GSG1L: variants seen among roughly 807,000 people sequenced by gnomAD.
The protein encoded by GSG1L is germ cell-specific gene 1-like protein.
A neutral mutation model predicts 42.1 loss-of-function variants in GSG1L; 24 were observed. The ratio of observed to expected loss-of-function variants is 0.57; its 90% CI spans 0.41 to 0.80. The LOEUF (loss-of-function observed/expected upper bound fraction) is 0.80. Ranked by LOEUF, GSG1L falls within the 30% of genes least tolerant of loss-of-function variation. The probability of loss-of-function intolerance (pLI) is 0.00; values close to 1 mark genes in which losing one functional copy is unlikely to be tolerated. For synonymous variants in GSG1L, 215 were observed against 203.5 expected, an observed-to-expected ratio of 1.06 and a Z score of -0.48; for missense variants, 445 against 472.2, an observed-to-expected ratio of 0.94 and a Z score of 0.53.
At chr16:28,036,189 G>A (rs886171494) in intron 1 of GSG1L, among the ~76,000 whole-genome samples, 1 of 152,064 alleles carries the variant, frequency 6.6e-6, no homozygotes, top group Non-Finnish European at 1.5e-5. Flanking sequence ...GAGTAGACTC[G>A]CCTGGCTCCC....
chr16:27,815,552 G>A (rs1187517611), intron 5 of GSG1L, among the ~76,000 whole-genome samples: 1 of 152,142 alleles, frequency 6.6e-6, no homozygotes, highest in African/African-American at 2.4e-5. Context: ...GTCCTTGAAG[G>A]GCTGATGGGG....
intron 2 of GSG1L, among the ~76,000 whole-genome samples, chr16:27,933,342 G>T (rs1295382971): frequency 6.6e-6 from 1 of 151,940 alleles, no homozygotes; most frequent in Non-Finnish European, 1.5e-5. Context: ...GTACAGAGTT[G>T]GTGTTCAATA....
chr16:27,947,560 A>G (rs868818318), intron 2 of GSG1L, among the ~76,000 whole-genome samples: 1 of 85,778 alleles, frequency 1.2e-5, no homozygotes, highest in Non-Finnish European at 2.9e-5. Context: ...AAAGAAAGAA[A>G]GAAAGAAAGA....
intron 1 of GSG1L, among the ~76,000 whole-genome samples, chr16:27,964,240 G>A (rs2085104052): frequency 6.6e-6 from 1 of 151,274 alleles, no homozygotes; most frequent in African/African-American, 2.4e-5. Context: ...TGAGGCAGGA[G>A]AATTGCTTGA....
Position 27,884,497 on chromosome 16 carries a change from G to A in GSG1L, c.539C>T (p.Thr180Met), listed in dbSNP as rs748167896. 8 of 1,613,526 alleles carry A rather than the reference G, an allele frequency of 5.0e-6. No individual in the cohort carries two copies. The highest frequency in any genetic ancestry group is 1.7e-5 in the Admixed American group (1 of 59,972). ...LKLNAFAAVF[T>M]VLSGLLGMVA... ...CAGCCATGCCTTACCTGAGAGCACC[G>A]TGAAGACAGCCGCGAAGGCATTGAG... The change falls in exon 3 of 7, where the codon ACG (threonine) becomes ATG (methionine). Residue 180 changes from threonine to methionine, a missense_variant. Coordinates refer to ENST00000447459, the MANE Select transcript of GSG1L (RefSeq NM_001109763.2). The surrounding 1 kb of genome is among the most constrained non-coding windows in gnomAD (Gnocchi z 4.4).
intron 3 of GSG1L, among the ~76,000 whole-genome samples, chr16:27,875,795 C>T (rs943327085): frequency 2.6e-5 from 4 of 152,138 alleles, no homozygotes; most frequent in Non-Finnish European, 5.9e-5. Flanking sequence ...TCCAAGCAGA[C>T]ACTATTGGAA....
intron 1 of GSG1L, among the ~76,000 whole-genome samples, chr16:28,039,177 T>C (rs552086208): frequency 2.1e-4 from 32 of 152,288 alleles, no homozygotes; most frequent in African/African-American, 7.5e-4. Context: ...CATCTGAGAT[T>C]TGTAGAAAAA....
At chr16:27,865,146 C>T (rs1390200067) in intron 3 of GSG1L, among the ~76,000 whole-genome samples, 1 of 152,176 alleles carries the variant, frequency 6.6e-6, no homozygotes, top group Non-Finnish European at 1.5e-5. Flanking sequence ...ACTCTGGGCT[C>T]CTGACCATAC....
rs985917808 is a variant in GSG1L at position 27,829,521 on chromosome 16, T to C, written c.663-565A>G. On this transcript the variant is annotated intron_variant, in intron 4 of 6. Transcript: ENST00000447459. The stretch of plus-strand genomic sequence containing the variant: ...TGTTCATGTATGACCCTGGGAAAGA[T>C]GCCAACCCTTTCTGTTTCACATTCC... Among the ~76,000 whole-genome samples the C allele has an allele frequency of 2.6e-5, 4 of 152,330 alleles. No individual in the cohort carries two copies. In the East Asian group the frequency reaches 7.7e-4, roughly 29 times the overall value.
At chr16:27,888,438 TTCTTTCTTTCTTTCTTTCTTTCTTTC>T (rs748267274) in intron 2 of GSG1L, among the ~76,000 whole-genome samples, 2,425 of 27,232 alleles carry the variant, frequency 0.089, 155 homozygotes, top group South Asian at 0.17. Flanking sequence ...CTTTCTTTCT[TTCTTTCTTTCTTTCTTTCTTTCTTTC>T]TCTCTCTCTC....
chr16:27,885,956 T>C (rs962270835), intron 2 of GSG1L, among the ~76,000 whole-genome samples: 2 of 152,220 alleles, frequency 1.3e-5, no homozygotes, highest in African/African-American at 4.8e-5. Context: ...CTACCCATAT[T>C]ATAATGATTC....
chr16:27,979,730 A>AAAGAAG (rs1567542974), intron 1 of GSG1L, among the ~76,000 whole-genome samples: 1 of 62,256 alleles, frequency 1.6e-5, no homozygotes, highest in African/African-American at 5.8e-5. Flanking sequence ...AAGGAAGGAA[A>AAAGAAG]GAAAAAGAAA....
In GSG1L at chr16:28,058,627, AAAAAAAAAACAAAC is replaced by A. The variant is rs1164236285; in HGVS notation, c.349+4435_349+4448del. On this transcript the variant is annotated intron_variant, in intron 1 of 6. Transcript: ENST00000447459. ...TGAGCCACAGAACAAGACCAAAAAA[AAAAAAAAAACAAAC>A]AAACCATGTCGAGGAGTTAGAGCAA... Among the ~76,000 whole-genome samples, 9 of 142,210 alleles carry A rather than the reference AAAAAAAAAACAAAC, an allele frequency of 6.3e-5. No homozygotes were observed. The Admixed American group carries it at 6.4e-4, about 10-fold the overall frequency. The allele number at this position is 142,210 out of a possible 152,430, so 93.3% of individuals were successfully genotyped here.
In GSG1L at chr16:27,889,546, C is replaced by T. The variant is rs558146752; in HGVS notation, c.398-4908G>A. Among the ~76,000 whole-genome samples the T allele has an allele frequency of 4.7e-4, 71 of 152,264 alleles. 1 individual carries two copies. The highest frequency in any genetic ancestry group is 1.3e-3 in the African/African-American group (53 of 41,552). On this transcript the variant is annotated intron_variant, in intron 2 of 6. Coordinates refer to ENST00000447459, the MANE Select transcript of GSG1L (RefSeq NM_001109763.2). ...CTGTCTTTGGAGGATTGTCTTTGGG[C>T]AACCAGAGCCCATTTTTTCTATCTT... is the stretch of plus-strand genomic sequence containing the variant.
At chr16:27,872,493 ACTCCAT>A (rs1267751876) in intron 3 of GSG1L, among the ~76,000 whole-genome samples, 7 of 152,004 alleles carry the variant, frequency 4.6e-5, no homozygotes, top group African/African-American at 1.7e-4. Context: ...AACCAGAGTG[ACTCCAT>A]CTTGACGAGG....
intron 5 of GSG1L, among the ~76,000 whole-genome samples, chr16:27,813,539 T>C (rs1248567715): frequency 6.6e-6 from 1 of 152,260 alleles, no homozygotes; most frequent in Non-Finnish European, 1.5e-5. Flanking sequence ...CCTGCTCATA[T>C]CTAAGAGAGG....
Position 27,915,289 on chromosome 16 carries a change from T to G in GSG1L, c.398-30651A>C, listed in dbSNP as rs1373499736. The stretch of plus-strand genomic sequence containing the variant: ...GGAAAATAGGGAGGGAGGGGCAGGG[T>G]GGGGGCAGAAGAGCCAAGGGAGTCT... On this transcript the variant is annotated intron_variant, in intron 2 of 6. Coordinates refer to ENST00000447459, the MANE Select transcript of GSG1L (RefSeq NM_001109763.2). Among the ~76,000 whole-genome samples, 10 of 134,562 alleles carry G rather than the reference T, an allele frequency of 7.4e-5. No homozygotes were observed. The South Asian group carries it at 8.2e-4, about 11-fold the overall frequency. 88.3% of individuals were successfully genotyped at this position (134,562 alleles called of 152,430 possible).
intron 1 of GSG1L, among the ~76,000 whole-genome samples, chr16:28,039,081 G>A (rs979397961): frequency 1.3e-5 from 2 of 152,228 alleles, no homozygotes; most frequent in Non-Finnish European, 2.9e-5. Context: ...TTAGAAAAGA[G>A]AGAATAAGTG....
At chr16:28,008,682 C>T (rs941857846) in intron 1 of GSG1L, among the ~76,000 whole-genome samples, 5 of 152,350 alleles carry the variant, frequency 3.3e-5, no homozygotes, top group South Asian at 2.1e-4. Flanking sequence ...AGAATGAAAC[C>T]GAAGTCCTCA....
Sources: gnomAD v4.1 joint callset for allele counts (sites outside exome capture counted in the v4.1 genomes callset) on GRCh38, gnomAD v4.1.1 for gene constraint, Gnocchi (gnomAD v3.1) non-coding constraint, MANE v1.5 for transcripts, NCBI Gene and HGNC (gene_info 2026-07-23, HGNC 2026-07-21) for gene names.